TM9SF3: variants seen among roughly 807,000 people sequenced by gnomAD.
TM9SF3 encodes the protein transmembrane 9 superfamily member 3, also known as SM-11044-binding protein.
TM9SF3 carries 14 observed loss-of-function variants against 78.6 expected under a neutral mutation model. The observed-to-expected ratio is 0.18, with a 90% CI of 0.12 to 0.28. TM9SF3 has a LOEUF of 0.28. Ranked by LOEUF, TM9SF3 falls within the 10% of genes least tolerant of loss-of-function variation. The pLI, the probability that TM9SF3 is intolerant of heterozygous loss-of-function variation, is 1.00. For synonymous variants in TM9SF3, 231 were observed against 241.7 expected, an observed-to-expected ratio of 0.96 and a Z score of 0.41; for missense variants, 496 against 721.9, an observed-to-expected ratio of 0.69 and a Z score of 3.59.
intron 7 of TM9SF3, among the ~76,000 whole-genome samples, chr10:96,548,669 G>A (rs1284170332): frequency 1.3e-5 from 2 of 151,664 alleles, no homozygotes; most frequent in Non-Finnish European, 2.9e-5. Flanking sequence ...GTGATGGCAG[G>A]TGCCTATAAT....
rs147691240 is a variant in TM9SF3, at chr10:96,582,307, A to G, written c.102+4427T>C. 2.0e-3 allele frequency among the ~76,000 whole-genome samples: 305 copies of G among 152,346 alleles called. 1 individual carries two copies. Among genetic ancestry groups the G allele is most frequent in the African/African-American group, 6.1e-3 (255 of 41,576 alleles). On this transcript the variant is annotated intron_variant, in intron 1 of 14. Transcript: ENST00000371142. The stretch of plus-strand genomic sequence containing the variant: ...GAAAAGACAAGACTGGCGATCAGGA[A>G]GCTCTGATTCTTTCTGTGGCCTTGA...
intron 3 of TM9SF3, among the ~76,000 whole-genome samples, chr10:96,565,006 G>T (rs2134152823): frequency 6.6e-6 from 1 of 151,758 alleles, no homozygotes; most frequent in East Asian, 1.9e-4. Context: ...ATTAAGATAT[G>T]AAAAAAAATG....
Position 96,553,461 on chromosome 10 carries a change from T to C in TM9SF3, c.661-402A>G, listed in dbSNP as rs573608118. On this transcript the variant is annotated intron_variant, in intron 5 of 14. Transcript: ENST00000371142. ...TGGAAAATGGAGGAGCTAATACTTATCTTGTAAGTGATTTGTAGGGCTTAA... is the reference window on the plus strand; with the variant it reads ...TGGAAAATGGAGGAGCTAATACTTACCTTGTAAGTGATTTGTAGGGCTTAA... Among the ~76,000 whole-genome samples, 9 of 152,302 alleles carry C rather than the reference T, an allele frequency of 5.9e-5. No individual in the cohort carries two copies. In the East Asian group the frequency reaches 1.5e-3, roughly 26 times the overall value.
In TM9SF3 at chr10:96,586,783, A is replaced by T. The variant is rs772128577; in HGVS notation, c.53T>A (p.Leu18Gln). The T allele has an allele frequency of 6.1e-5, 78 of 1,287,622 alleles. 1 individual carries two copies. In the South Asian group the frequency reaches 1.9e-3, roughly 31 times the overall value. 79.8% of individuals were successfully genotyped at this position (1,287,622 alleles called of 1,614,324 possible). A position where few individuals can be genotyped will look rare whatever the true frequency, so the allele number is the denominator to read the frequency against. ...LGVAAAAALW[L>Q]LLLLLPRTRA... ...GGTCCGGGGCAGCAGCAGCAGCAGC[A>T]GCCACAGCGCGGCGGCCGCCGCCAC... The change falls in exon 1 of 15, where the codon CTG becomes CAG. Residue 18 changes from leucine to glutamine, a missense_variant. Coordinates refer to ENST00000371142, the MANE Select transcript of TM9SF3 (RefSeq NM_020123.4).
At chr10:96,543,096 G>A (rs548089715) in intron 9 of TM9SF3, among the ~76,000 whole-genome samples, 4 of 152,272 alleles carry the variant, frequency 2.6e-5, no homozygotes, top group East Asian at 1.9e-4. Context: ...GCATATATAC[G>A]TATGAACATG....
rs530294217 is a variant in TM9SF3 at position 96,555,600 on chromosome 10, G to A, written c.661-2541C>T. Among the ~76,000 whole-genome samples, 20 of 152,308 alleles carry A rather than the reference G, an allele frequency of 1.3e-4. No individual in the cohort carries two copies. In the South Asian group the frequency reaches 3.7e-3, roughly 28 times the overall value. On this transcript the variant is annotated intron_variant, in intron 5 of 14. Coordinates refer to ENST00000371142, the MANE Select transcript of TM9SF3 (RefSeq NM_020123.4). ...TTATCCACCCTGAGGTTTCAGGAAC[G>A]AGATAAACTCTATGGATCTTCTTGA... is the stretch of plus-strand genomic sequence containing the variant.
intron 2 of TM9SF3, among the ~76,000 whole-genome samples, chr10:96,566,913 G>A (rs2134154015): frequency 6.6e-6 from 1 of 152,226 alleles, no homozygotes; most frequent in South Asian, 2.1e-4. Flanking sequence ...CAGGCTTAAG[G>A]GACAACAAAT....
At chr10:96,585,002 C>A (rs1311969159) in intron 1 of TM9SF3, among the ~76,000 whole-genome samples, 1 of 152,086 alleles carries the variant, frequency 6.6e-6, no homozygotes, top group Non-Finnish European at 1.5e-5. Flanking sequence ...GAATAAAAAA[C>A]TGAAATAGTC....
chr10:96,573,140 A>G (rs1848458116), intron 2 of TM9SF3, among the ~76,000 whole-genome samples: 1 of 152,210 alleles, frequency 6.6e-6, no homozygotes, highest in Admixed American at 6.5e-5. Flanking sequence ...TTAAAAGTCA[A>G]ATATTCAAGA....
At chr10:96,549,487 T>A (rs1335412441) in intron 7 of TM9SF3, among the ~76,000 whole-genome samples, 1 of 152,208 alleles carries the variant, frequency 6.6e-6, no homozygotes, top group Non-Finnish European at 1.5e-5. Flanking sequence ...ATTATTTCTC[T>A]GAGCTTTAGT....
chr10:96,533,217 T>C (rs777228514), intron 9 of TM9SF3, 27 bp from the exon 10 acceptor site: 1 of 1,605,200 alleles, frequency 6.2e-7, no homozygotes, highest in South Asian at 1.1e-5. Flanking sequence ...AATGTGTGAT[T>C]ACTCAGAGAA....
intron 2 of TM9SF3, among the ~76,000 whole-genome samples, chr10:96,569,221 T>C (rs56235498): frequency 8.9e-4 from 135 of 152,312 alleles, no homozygotes; most frequent in Non-Finnish European, 1.6e-3. Context: ...GAAAGTGTTC[T>C]TAAGTTTCCT....
intron 2 of TM9SF3, among the ~76,000 whole-genome samples, chr10:96,574,742 C>T (rs537067171): frequency 1.6e-4 from 24 of 152,084 alleles, no homozygotes; most frequent in Non-Finnish European, 3.5e-4. Context: ...ACTATGCAGC[C>T]ACAGAAAAGG....
chr10:96,586,390 T>A (rs192308073), intron 1 of TM9SF3, among the ~76,000 whole-genome samples: 29 of 152,222 alleles, frequency 1.9e-4, no homozygotes, highest in Non-Finnish European at 3.8e-4. Flanking sequence ...GAGCCCAGCC[T>A]GCCCGTTGCC....
chr10:96,524,261 G>A (rs1847814126), intron 14 of TM9SF3, among the ~76,000 whole-genome samples: 1 of 151,556 alleles, frequency 6.6e-6, no homozygotes, highest in Non-Finnish European at 1.5e-5. Flanking sequence ...TTTTATAATA[G>A]GAAATAACAA....
In TM9SF3 at chr10:96,544,057, T is replaced by A; in HGVS notation, c.1185+19A>T. The A allele has an allele frequency of 6.4e-7, 1 of 1,573,836 alleles. No individual in the cohort carries two copies. Among genetic ancestry groups the A allele is most frequent in the African/African-American group, 1.4e-5 (1 of 73,764 alleles). On this transcript the variant is annotated intron_variant, in intron 9 of 14. Coordinates refer to ENST00000371142, the MANE Select transcript of TM9SF3 (RefSeq NM_020123.4). ...TGTGTATACTTTTTCAGTTTAAAAG[T>A]AAGATTCAAGCAACTCACCATTGTT...
intron 9 of TM9SF3, among the ~76,000 whole-genome samples, chr10:96,543,088 A>G (rs970187399): frequency 1.3e-5 from 2 of 152,234 alleles, no homozygotes; most frequent in African/African-American, 4.8e-5. Flanking sequence ...TTGCATTGGC[A>G]TATATACGTA....
chr10:96,561,920 A>T, intron 4 of TM9SF3, 58 bp downstream of exon 4: 1 of 1,446,964 alleles, frequency 6.9e-7, no homozygotes, highest in Non-Finnish European at 9.4e-7. Context: ...CAAAGCCACA[A>T]ATTGTTGACA....
chr10:96,527,543 G>A (rs1391154949), intron 12 of TM9SF3, 47 bp from the exon 13 acceptor site: 1 of 1,423,160 alleles, frequency 7.0e-7, no homozygotes, highest in South Asian at 1.3e-5. Context: ...TGAATGAATG[G>A]CACTAAAACA....
Sources: gnomAD v4.1 joint callset for allele counts (sites outside exome capture counted in the v4.1 genomes callset) on GRCh38, gnomAD v4.1.1 for gene constraint, MANE v1.5 for transcripts, NCBI Gene and HGNC (gene_info 2026-07-23, HGNC 2026-07-21) for gene names.